OXR1: variants seen among roughly 807,000 people sequenced by gnomAD.
OXR1 encodes oxidation resistance 1, also known as oxidation resistance protein 1.
In OXR1, 41 loss-of-function variants were observed where a neutral mutation model predicts 104.6. That is an observed-to-expected ratio of 0.39 (90% CI 0.31 to 0.51). OXR1 has a LOEUF of 0.51. OXR1 is among the 20% of genes least tolerant of loss of function. The pLI is 0.77. For synonymous variants in OXR1, 348 were observed against 348.4 expected (o/e 1.00, Z 0.01); for missense variants, 955 against 1,031.9 (o/e 0.93, Z 1.02).
intron 3 of OXR1, among the ~76,000 whole-genome samples, chr8:106,594,098 T>C (rs1436969697): frequency 6.6e-6 from 1 of 152,212 alleles, no homozygotes; most frequent in African/African-American, 2.4e-5. Context: ...TTGAGGACTT[T>C]TGTTAAGATT....
chr8:106,680,779 C>T lies in OXR1; in HGVS notation c.303+1487C>T, dbSNP rs550061473. Among the ~76,000 whole-genome samples, 5 of 152,232 alleles carry T rather than the reference C, an allele frequency of 3.3e-5. No homozygotes were observed. In the East Asian group the frequency reaches 7.7e-4, roughly 23 times the overall value. The stretch of plus-strand genomic sequence containing the variant: ...TAGTTGCTTGCATTTCCTACTATCA[C>T]TTCATACTAAACAAATTATGGAAGC... On this transcript the variant is annotated intron_variant, in intron 4 of 16. Coordinates refer to ENST00000517566, the MANE Select transcript of OXR1 (RefSeq NM_001198533.2).
chr8:106,526,870 G>T (rs1225986980), intron 3 of OXR1, among the ~76,000 whole-genome samples: 1 of 152,152 alleles, frequency 6.6e-6, no homozygotes, highest in East Asian at 1.9e-4. Context: ...GAGTGGTTTA[G>T]GTGTCAGCTT....
chr8:106,463,473 A>G (rs578106003), intron 2 of OXR1, among the ~76,000 whole-genome samples: 46 of 152,128 alleles, frequency 3.0e-4, no homozygotes, highest in Admixed American at 7.9e-4. Flanking sequence ...TAACACAAAT[A>G]TACTTCATGT....
chr8:106,519,029 G>A lies in OXR1; in HGVS notation c.110G>A (p.Ser37Asn). 1 of 1,551,950 alleles carries A rather than the reference G, an allele frequency of 6.4e-7. No homozygotes were observed. The highest frequency in any genetic ancestry group is 2.4e-5 in the East Asian group (1 of 40,918). Reference sequence around the variant, plus strand: ...GCAGGAAAGCAAACACCACAAGCCAGTAAGCCCCCGGCACCCAAGACCCCC... The same window carrying A: ...GCAGGAAAGCAAACACCACAAGCCAATAAGCCCCCGGCACCCAAGACCCCC... ...AGAGKQTPQA[S>N]KPPAPKTPII... The change falls in exon 3 of 17, where the codon AGT becomes AAT. Residue 37 changes from serine to asparagine, a missense_variant. Physicochemically the swap from Ser to Asn is conservative, Grantham distance 46 (BLOSUM62 1). This residue lies in a region of OXR1 where 849 missense variants were observed against 852.9 expected (regional missense o/e 1.00). Coordinates refer to ENST00000517566, the MANE Select transcript of OXR1 (RefSeq NM_001198533.2).
At chr8:106,364,503 C>T (rs972694125) in intron 2 of OXR1, among the ~76,000 whole-genome samples, 1 of 152,046 alleles carries the variant, frequency 6.6e-6, no homozygotes, top group Non-Finnish European at 1.5e-5. Context: ...TTACTTGAAA[C>T]CAGGAGGCAG....
At chr8:106,321,586 G>C (rs1814220223) in intron 1 of OXR1, among the ~76,000 whole-genome samples, 1 of 152,316 alleles carries the variant, frequency 6.6e-6, no homozygotes, top group Middle Eastern at 3.4e-3. Context: ...TGAGTGAGCA[G>C]TGAGAAGTAA....
intron 2 of OXR1, among the ~76,000 whole-genome samples, chr8:106,513,671 C>T (rs1316225400): frequency 6.6e-6 from 1 of 152,132 alleles, no homozygotes; most frequent in Non-Finnish European, 1.5e-5. Context: ...GCCTGAGAAG[C>T]GGATATAATT....
chr8:106,294,440 G>T (rs1462164511), intron 1 of OXR1, among the ~76,000 whole-genome samples: 1 of 150,688 alleles, frequency 6.6e-6, no homozygotes, highest in Non-Finnish European at 1.5e-5. Context: ...CCTGAGACTG[G>T]GTAATTTATA....
At chr8:106,351,700 C>T (rs1213373652) in intron 1 of OXR1, among the ~76,000 whole-genome samples, 1 of 152,082 alleles carries the variant, frequency 6.6e-6, no homozygotes, top group African/African-American at 2.4e-5. Context: ...TACTTTACTG[C>T]GAGGGCAATA....
At chr8:106,674,267 A>G (rs1453687312) in intron 3 of OXR1, among the ~76,000 whole-genome samples, 1 of 152,212 alleles carries the variant, frequency 6.6e-6, no homozygotes, top group Non-Finnish European at 1.5e-5. Context: ...TGGATGTGAG[A>G]CATGGAGTCA....
chr8:106,423,732 A>G (rs965661287), intron 2 of OXR1, among the ~76,000 whole-genome samples: 2 of 152,198 alleles, frequency 1.3e-5, no homozygotes, highest in Admixed American at 1.3e-4. Context: ...TGAAGACAAA[A>G]TGAAAAACCA....
chr8:106,322,122 C>T (rs1294850031), intron 1 of OXR1, among the ~76,000 whole-genome samples: 1 of 152,120 alleles, frequency 6.6e-6, no homozygotes, highest in East Asian at 1.9e-4. Context: ...TTCAATATAA[C>T]ACTTTAGTTG....
At chr8:106,573,026 C>T (rs2123545) in intron 3 of OXR1, among the ~76,000 whole-genome samples, 76,204 of 151,728 alleles carry the variant, frequency 0.5, 19,344 homozygotes, top group African/African-American at 0.54. Context: ...AGTTATTACA[C>T]TGGAGACTTA....
At chr8:106,326,179 T>C (rs1814460191) in intron 1 of OXR1, among the ~76,000 whole-genome samples, 2 of 152,230 alleles carry the variant, frequency 1.3e-5, no homozygotes, top group Non-Finnish European at 2.9e-5. Flanking sequence ...TCAGTATGTC[T>C]ACCAGTCTCC....
chr8:106,280,023 G>A (rs537612969), intron 1 of OXR1, among the ~76,000 whole-genome samples: 4 of 152,202 alleles, frequency 2.6e-5, no homozygotes, highest in Non-Finnish European at 4.4e-5. Flanking sequence ...CAGAGTTTGG[G>A]GGAAGAATAG....
At chr8:106,623,855 C>T (rs930771838) in intron 3 of OXR1, among the ~76,000 whole-genome samples, 1 of 152,228 alleles carries the variant, frequency 6.6e-6, no homozygotes, top group African/African-American at 2.4e-5. Context: ...GGTATCATTA[C>T]TTATCCAAAT....
At chr8:106,333,357 A>T (rs1210549147) in intron 1 of OXR1, among the ~76,000 whole-genome samples, 2 of 152,060 alleles carry the variant, frequency 1.3e-5, no homozygotes, top group Admixed American at 6.5e-5. Flanking sequence ...GAGTTGTAAT[A>T]ATTTTTCATA....
chr8:106,301,182 A>T (rs1444074571), intron 1 of OXR1, among the ~76,000 whole-genome samples: 2 of 152,180 alleles, frequency 1.3e-5, no homozygotes, highest in Non-Finnish European at 2.9e-5. Context: ...CTGGAGCCAA[A>T]GATTTGAAGA....
At chr8:106,679,170 GA>G in intron 3 of OXR1, 39 bp from the exon 4 acceptor site, 1 of 1,240,608 alleles carries the variant, frequency 8.1e-7, no homozygotes, top group Non-Finnish European at 1.2e-6. Context: ...TACTCTGAAA[GA>G]AAGATGAATT....
Sources: gnomAD v4.1 joint callset for allele counts (sites outside exome capture counted in the v4.1 genomes callset) on GRCh38, gnomAD v4.1.1 for gene constraint, gnomAD v4.1.1 regional missense constraint, MANE v1.5 for transcripts, NCBI Gene and HGNC (gene_info 2026-07-23, HGNC 2026-07-21) for gene names.